The following TMEM271 variants were observed in gnomAD, a reference collection of about 807,000 sequenced individuals.
TMEM271 encodes transmembrane protein 271.
rs1732389470 is a variant in TMEM271 at position 574,166 on chromosome 4, TTCAG to T, written c.*735_*738del. On this transcript the variant is annotated 3_prime_UTR_variant, in exon 1 of 1. Coordinates refer to ENST00000610212, the MANE Select transcript of TMEM271 (RefSeq NM_001362796.2). ...AAGTTAGCTTTAGAAAGAGGCTGGA[TTCAG>T]TCAACTAGCTAGCAGAATACAACTG... 6.6e-6 allele frequency: 1 copy of T among 151,978 alleles called. No homozygotes were observed. The highest frequency in any genetic ancestry group is 1.5e-5 in the Non-Finnish European group (1 of 68,026). 9.4% of individuals were successfully genotyped at this position (151,978 alleles called of 1,614,324 possible). A position where few individuals can be genotyped will look rare whatever the true frequency, so the allele number is the denominator to read the frequency against.
Position 575,505 on chromosome 4 carries a change from C to CGCCGAGCCGGGGGCCGAGCCCGGG in TMEM271, c.534_557dup (p.Ser185_Gly192dup), listed in dbSNP as rs1218538330. The CGCCGAGCCGGGGGCCGAGCCCGGG allele has an allele frequency of 0.015, 4,308 of 292,716 alleles. 51 individuals carry two copies. Among genetic ancestry groups the CGCCGAGCCGGGGGCCGAGCCCGGG allele is most frequent in the Admixed American group, 0.02 (373 of 19,022 alleles). 18.1% of individuals were successfully genotyped at this position (292,716 alleles called of 1,614,324 possible). On this transcript the variant is annotated inframe_insertion, in exon 1 of 1. Coordinates refer to ENST00000610212, the MANE Select transcript of TMEM271 (RefSeq NM_001362796.2). ...GCGGGGCGCCGGGGGCCGAGCCCGG[C>CGCCGAGCCGGGGGCCGAGCCCGGG]GCCGAGCCGGGGGCCGAGCCCGGGG...
At position 575,887 on chromosome 4, in the gene TMEM271, G is replaced by A. The variant is rs1333943827; in HGVS notation, c.176C>T (p.Ala59Val). 5 of 371,834 alleles carry A rather than the reference G, an allele frequency of 1.3e-5. No individual in the cohort carries two copies. Among genetic ancestry groups the A allele is most frequent in the Non-Finnish European group, 2.4e-5 (5 of 208,982 alleles). 23.0% of individuals were successfully genotyped at this position (371,834 alleles called of 1,614,324 possible). Residue 59 changes from alanine (A) to valine (V), a missense_variant, in exon 1 of 1, where the codon GCC becomes GTC. By Grantham distance (64) the Ala-to-Val change is moderately conservative. Transcript: ENST00000610212. ...GGCGCCGAGCAGTGAGAGGCCGGCGGCCAGCAGCAGCCCGGAGTAGAAGGC... is the reference window on the plus strand; with the variant it reads ...GGCGCCGAGCAGTGAGAGGCCGGCGACCAGCAGCAGCCCGGAGTAGAAGGC... Reference protein sequence around the residue: ...AGAFYSGLLLAAGLSLLGAAL... With the variant: ...AGAFYSGLLLVAGLSLLGAAL...
rs1732398385 is a variant in TMEM271, at chr4:574,720, G to A, written c.*185C>T. 2.6e-6 allele frequency: 1 copy of A among 391,132 alleles called. No individual in the cohort carries two copies. The highest frequency in any genetic ancestry group is 2.1e-5 in the African/African-American group (1 of 48,314). 24.2% of individuals were successfully genotyped at this position (391,132 alleles called of 1,614,324 possible). A position where few individuals can be genotyped will look rare whatever the true frequency, so the allele number is the denominator to read the frequency against. The stretch of plus-strand genomic sequence containing the variant: ...GGTCACATCAGGGGCCCCCTCCTGT[G>A]GTCACGGAGCCCGCAGAGGGGGCCA... On this transcript the variant is annotated 3_prime_UTR_variant, in exon 1 of 1. Coordinates refer to ENST00000610212, the MANE Select transcript of TMEM271 (RefSeq NM_001362796.2).
Position 576,014 on chromosome 4 carries a change from G to A in TMEM271, c.49C>T (p.Leu17=), listed in dbSNP as rs1732429176. The A allele has an allele frequency of 8.4e-6, 3 of 356,364 alleles. No homozygotes were observed. The highest frequency in any genetic ancestry group is 4.3e-5 in the African/African-American group (2 of 46,650). 22.1% of individuals were successfully genotyped at this position (356,364 alleles called of 1,614,324 possible). Residue 17 remains leucine (L), a synonymous_variant, in exon 1 of 1, where the codon CTG becomes TTG. Coordinates refer to ENST00000610212, the MANE Select transcript of TMEM271 (RefSeq NM_001362796.2). ...GCGGCGCTGAGCGCGCAGGCGAGCA[G>A]GAGGCAGGAGGAGAGCGCGGCGCAG... ...GACAALSSCL[L]LACALSAAAV...
In TMEM271 at chr4:575,066, C is replaced by T. The variant is rs1199694588; in HGVS notation, c.997G>A (p.Ala333Thr). ...VSYINVGVLHALDEAGAEVRC... is the reference protein window; with the variant it reads ...VSYINVGVLHTLDEAGAEVRC... ...ACCTCCGCGCCCGCCTCGTCCAGCG[C>T]GTGGAGGACGCCTACGTTGATGTAG... The change falls in exon 1 of 1, where the codon GCG becomes ACG. Residue 333 changes from alanine (A) to threonine (T), a missense_variant. Physicochemically the swap from Ala to Thr is moderately conservative, Grantham distance 58 (BLOSUM62 0). Coordinates refer to ENST00000610212, the MANE Select transcript of TMEM271 (RefSeq NM_001362796.2). The T allele has an allele frequency of 5.0e-6, 2 of 396,944 alleles. No homozygotes were observed. The highest frequency in any genetic ancestry group is 8.8e-5 in the Admixed American group (2 of 22,652). 24.6% of individuals were successfully genotyped at this position (396,944 alleles called of 1,614,324 possible).
rs1359907088 is a variant in TMEM271, at chr4:575,439, G to A, written c.624C>T (p.Cys208=). Residue 208 remains cysteine (C), a synonymous_variant, in exon 1 of 1, where the codon TGC becomes TGT. Transcript: ENST00000610212. The part of the protein sequence containing the change: ...STLDSATSAK[C]RQLKDYQRGL... ...CGCGCTGGTAGTCCTTCAGCTGGCG[G>A]CACTTGGCGGACGTGGCGCTGTCCA... is the stretch of plus-strand genomic sequence containing the variant. The A allele has an allele frequency of 1.1e-5, 3 of 275,398 alleles. No individual in the cohort carries two copies. Among genetic ancestry groups the A allele is most frequent in the Admixed American group, 5.4e-5 (1 of 18,644 alleles). The allele number at this position is 275,398 out of a possible 1,614,324, so 17.1% of individuals were successfully genotyped here. A position where few individuals can be genotyped will look rare whatever the true frequency, so the allele number is the denominator to read the frequency against.
At position 575,703 on chromosome 4, in the gene TMEM271, C is replaced by T; in HGVS notation, c.360G>A (p.Leu120=). ...GAPGPVSSQN[L]LLLGVLVFML... Reference sequence around the variant, plus strand: ...TGAAGACCAGGACGCCGAGCAGAAGCAGGTTCTGGCTGCTCACCGGCCCCG... The same window carrying T: ...TGAAGACCAGGACGCCGAGCAGAAGTAGGTTCTGGCTGCTCACCGGCCCCG... Residue 120 remains leucine (L), a synonymous_variant, in exon 1 of 1, where the codon CTG becomes CTA. Transcript: ENST00000610212. 1 of 358,180 alleles carries T rather than the reference C, an allele frequency of 2.8e-6. No individual in the cohort carries two copies. Among genetic ancestry groups the T allele is most frequent in the African/African-American group, 2.1e-5 (1 of 46,876 alleles). 22.2% of individuals were successfully genotyped at this position (358,180 alleles called of 1,614,324 possible).
Position 574,700 on chromosome 4 carries a change from C to A in TMEM271, c.*205G>T, listed in dbSNP as rs1394217934. 1.5e-5 allele frequency: 6 copies of A among 390,072 alleles called. No individual in the cohort carries two copies. Among genetic ancestry groups the A allele is most frequent in the Non-Finnish European group, 2.7e-5 (6 of 221,008 alleles). The allele number at this position is 390,072 out of a possible 1,614,324, so 24.2% of individuals were successfully genotyped here. On this transcript the variant is annotated 3_prime_UTR_variant, in exon 1 of 1. Transcript: ENST00000610212. ...AACCTCCCAGATACAGAAATGGTCA[C>A]ATCAGGGGCCCCCTCCTGTGGTCAC...
Position 575,635 on chromosome 4 carries a change from C to G in TMEM271, c.428G>C (p.Gly143Ala). ...LSAFAGAVID[G>A]DTVSLVERKY... ...GCGCTCCACCAGGGACACGGTGTCG[C>G]CGTCGATCACGGCGCCCGCGAATGC... Residue 143 changes from glycine to alanine, a missense_variant, in exon 1 of 1, where the codon GGC becomes GCC. Gly to Ala is a moderately conservative substitution (Grantham distance 60). Transcript: ENST00000610212. The G allele has an allele frequency of 2.8e-6, 1 of 362,298 alleles. No individual in the cohort carries two copies. Among genetic ancestry groups the G allele is most frequent in the Non-Finnish European group, 4.9e-6 (1 of 202,364 alleles). The allele number at this position is 362,298 out of a possible 1,614,324, so 22.4% of individuals were successfully genotyped here.
rs1732422217 is a variant in TMEM271, at chr4:575,718, C to T, written c.345G>A (p.Val115=). 1 of 357,024 alleles carries T rather than the reference C, an allele frequency of 2.8e-6. No homozygotes were observed. Among genetic ancestry groups the T allele is most frequent in the Middle Eastern group, 7.3e-4 (1 of 1,362 alleles). 22.1% of individuals were successfully genotyped at this position (357,024 alleles called of 1,614,324 possible). ...CGAGCAGAAGCAGGTTCTGGCTGCT[C>T]ACCGGCCCCGGGGCCCCGGCCGCGG... ...SGAAAGAPGP[V]SSQNLLLLGV... Residue 115 remains valine, a synonymous_variant, in exon 1 of 1, where the codon GTG becomes GTA. Coordinates refer to ENST00000610212, the MANE Select transcript of TMEM271 (RefSeq NM_001362796.2).
Position 575,523 on chromosome 4 carries a change from G to T in TMEM271, c.540C>A (p.Gly180=), listed in dbSNP as rs1732417727. The change falls in exon 1 of 1, where the codon GGC becomes GGA. Residue 180 remains glycine, a synonymous_variant. Transcript: ENST00000610212. ...AGCCCGGCGCCGAGCCGGGGGCCGAGCCCGGGGCCGAGCCGGGGGTTGAGC... is the reference window on the plus strand; with the variant it reads ...AGCCCGGCGCCGAGCCGGGGGCCGATCCCGGGGCCGAGCCGGGGGTTGAGC... ...APGSTPGSAP[G]SAPGSAPGSA... 2 of 308,396 alleles carry T rather than the reference G, an allele frequency of 6.5e-6. No individual in the cohort carries two copies. The highest frequency in any genetic ancestry group is 1.2e-5 in the Non-Finnish European group (2 of 169,642). The allele number at this position is 308,396 out of a possible 1,614,324, so 19.1% of individuals were successfully genotyped here. A position where few individuals can be genotyped will look rare whatever the true frequency, so the allele number is the denominator to read the frequency against.
In TMEM271 at chr4:576,102, G is replaced by A. The variant is rs1448722199; in HGVS notation, c.-40C>T. ...CCGGCCCGCACCCCGCGCGCCCGCC[G>A]CCGCCCGCCGCCGCCCCCGCCGCCT... is the stretch of plus-strand genomic sequence containing the variant. On this transcript the variant is annotated 5_prime_UTR_variant, in exon 1 of 1. Transcript: ENST00000610212. 1.4e-5 allele frequency: 2 copies of A among 147,078 alleles called. No homozygotes were observed. Among genetic ancestry groups the A allele is most frequent in the Non-Finnish European group, 2.9e-5 (2 of 69,986 alleles). 9.1% of individuals were successfully genotyped at this position (147,078 alleles called of 1,614,324 possible).
chr4:574,850 G>A lies in TMEM271; in HGVS notation c.*55C>T, dbSNP rs77207618. The A allele has an allele frequency of 3.8e-3, 1,503 of 394,970 alleles. 20 individuals are homozygous for A. The highest frequency in any genetic ancestry group is 0.028 in the African/African-American group (1,357 of 48,540). 24.5% of individuals were successfully genotyped at this position (394,970 alleles called of 1,614,324 possible). On this transcript the variant is annotated 3_prime_UTR_variant, in exon 1 of 1. Coordinates refer to ENST00000610212, the MANE Select transcript of TMEM271 (RefSeq NM_001362796.2). ...CCTTGCCGCGGGGGTCCTGAGCGGG[G>A]CGGGGTGGGTGGAACGCAAGCGCGG...
In TMEM271 at chr4:574,915, C is replaced by T. The variant is rs1732403237; in HGVS notation, c.1148G>A (p.Arg383Gln). 2.5e-6 allele frequency: 1 copy of T among 396,548 alleles called. No individual in the cohort carries two copies. Among genetic ancestry groups the T allele is most frequent in the Non-Finnish European group, 4.4e-6 (1 of 224,720 alleles). 24.6% of individuals were successfully genotyped at this position (396,548 alleles called of 1,614,324 possible). Residue 383 changes from arginine (R) to glutamine (Q), a missense_variant, in exon 1 of 1, where the codon CGG becomes CAG. Physicochemically the swap from Arg to Gln is conservative, Grantham distance 43 (BLOSUM62 1). Transcript: ENST00000610212. ...GTCCGGCCCGCGGGATCAGCAGGCC[C>T]GATGGGTCTCCCAGGGCCGCGGCGT... ...CETPRPWETH[R>Q]AC
Position 575,503 on chromosome 4 carries a change from G to C in TMEM271, c.560C>G (p.Pro187Arg), listed in dbSNP as rs1577196621. The C allele has an allele frequency of 3.4e-6, 1 of 294,722 alleles. No homozygotes were observed. The highest frequency in any genetic ancestry group is 2.3e-5 in the African/African-American group (1 of 44,044). 18.3% of individuals were successfully genotyped at this position (294,722 alleles called of 1,614,324 possible). A position where few individuals can be genotyped will look rare whatever the true frequency, so the allele number is the denominator to read the frequency against. ...SAPGSAPGSA[P>R]GSAPGAPRAR... ...GCGCGGGGCGCCGGGGGCCGAGCCCGGCGCCGAGCCGGGGGCCGAGCCCGG... is the reference window on the plus strand; with the variant it reads ...GCGCGGGGCGCCGGGGGCCGAGCCCCGCGCCGAGCCGGGGGCCGAGCCCGG... The change falls in exon 1 of 1, where the codon CCG (proline) becomes CGG (arginine). Residue 187 changes from proline to arginine, a missense_variant. Pro to Arg is a moderately radical substitution (Grantham distance 103, BLOSUM62 -2). Coordinates refer to ENST00000610212, the MANE Select transcript of TMEM271 (RefSeq NM_001362796.2).
rs1045308930 is a variant in TMEM271, at chr4:575,763, G to A, written c.300C>T (p.Ala100=). ...CCGCGGCCCCCGACTCGCCCGGCGT[G>A]GCCTCGGGAGCGCCTGCCGGCGCCG... ...VPAAPAGAPE[A]TPGESGAAAG... is the part of the protein sequence containing the mutation. Residue 100 remains alanine, a synonymous_variant, in exon 1 of 1, where the codon GCC becomes GCT. Coordinates refer to ENST00000610212, the MANE Select transcript of TMEM271 (RefSeq NM_001362796.2). The A allele has an allele frequency of 2.2e-5, 8 of 360,208 alleles. No individual in the cohort carries two copies. Among genetic ancestry groups the A allele is most frequent in the Non-Finnish European group, 4.0e-5 (8 of 201,494 alleles). 22.3% of individuals were successfully genotyped at this position (360,208 alleles called of 1,614,324 possible). A position where few individuals can be genotyped will look rare whatever the true frequency, so the allele number is the denominator to read the frequency against.
In TMEM271 at chr4:574,572, G is replaced by A. The variant is rs1034815234; in HGVS notation, c.*333C>T. The A allele has an allele frequency of 1.4e-5, 3 of 216,948 alleles. No homozygotes were observed. In the Admixed American group the frequency reaches 1.8e-4, roughly 13 times the overall value. The allele number at this position is 216,948 out of a possible 1,614,324, so 13.4% of individuals were successfully genotyped here. ...GACCACCAGGCAGAGCAGCCCCAGG[G>A]TTTGGACTTGCCAAGAAAAGTGCAG... On this transcript the variant is annotated 3_prime_UTR_variant, in exon 1 of 1. Transcript: ENST00000610212.
rs1314418527 is a variant in TMEM271 at position 575,514 on chromosome 4, GGGGGCCGAGCCC to G, written c.537_548del (p.Ser189_Gly192del). The G allele has an allele frequency of 4.3e-3, 1,310 of 306,240 alleles. 15 individuals carry two copies. The highest frequency in any genetic ancestry group is 0.025 in the African/African-American group (1,134 of 44,526). 19.0% of individuals were successfully genotyped at this position (306,240 alleles called of 1,614,324 possible). On this transcript the variant is annotated inframe_deletion, in exon 1 of 1. Coordinates refer to ENST00000610212, the MANE Select transcript of TMEM271 (RefSeq NM_001362796.2). ...CGGGGGCCGAGCCCGGCGCCGAGCC[GGGGGCCGAGCCC>G]GGGGCCGAGCCGGGGGTTGAGCCCG...
rs948603994 is a variant in TMEM271 at position 574,571 on chromosome 4, G to A, written c.*334C>T. On this transcript the variant is annotated 3_prime_UTR_variant, in exon 1 of 1. Coordinates refer to ENST00000610212, the MANE Select transcript of TMEM271 (RefSeq NM_001362796.2). ...GGACCACCAGGCAGAGCAGCCCCAG[G>A]GTTTGGACTTGCCAAGAAAAGTGCA... The A allele has an allele frequency of 1.9e-5, 4 of 215,096 alleles. No individual in the cohort carries two copies. Among genetic ancestry groups the A allele is most frequent in the African/African-American group, 9.1e-5 (4 of 43,842 alleles). The allele number at this position is 215,096 out of a possible 1,614,324, so 13.3% of individuals were successfully genotyped here. A position where few individuals can be genotyped will look rare whatever the true frequency, so the allele number is the denominator to read the frequency against.
Sources: gnomAD v4.1 joint callset for allele counts on GRCh38, gnomAD v4.1.1 for gene constraint, MANE v1.5 for transcripts, NCBI Gene and HGNC (gene_info 2026-07-23, HGNC 2026-07-21) for gene names.